The following SELENOO variants were observed in gnomAD, a reference collection of about 807,000 sequenced individuals.
The protein encoded by SELENOO is selenoprotein O.
In SELENOO, 74 loss-of-function variants were observed where a neutral mutation model predicts 58.7. The observed-to-expected ratio is 1.26, with a 90% CI of 1.04 to 1.53. The LOEUF (loss-of-function observed/expected upper bound fraction) is 1.53, where lower values mean the gene tolerates loss of function less well. SELENOO is among the 40% of genes most tolerant of loss of function. The probability of loss-of-function intolerance (pLI) is 0.00; values close to 1 mark genes in which losing one functional copy is unlikely to be tolerated. For synonymous variants in SELENOO, 543 were observed against 453.2 expected, an observed-to-expected ratio of 1.20 and a Z score of -2.52; for missense variants, 1,149 against 970.0, an observed-to-expected ratio of 1.18 and a Z score of -2.45.
At chr22:50,205,891 G>A (rs2064329716) in intron 1 of SELENOO, 1 of 184,000 alleles carries the variant, frequency 5.4e-6, no homozygotes, top group Middle Eastern at 2.3e-3. Flanking sequence ...GTGGGTGTGG[G>A]GGCCCCGGCA....
intron 1 of SELENOO, chr22:50,205,850 A>G (rs971569236): frequency 5.9e-6 from 1 of 170,006 alleles, no homozygotes; most frequent in Admixed American, 5.9e-5. Context: ...CGGGGCGGGC[A>G]GCTGGCTTCT....
At chr22:50,202,332 C>T (rs1274484902) in intron 1 of SELENOO, among the ~76,000 whole-genome samples, 1 of 152,108 alleles carries the variant, frequency 6.6e-6, no homozygotes, top group African/African-American at 2.4e-5. Flanking sequence ...CCTCAGCATC[C>T]CTTCCCCGGG....
chr22:50,202,318 G>A (rs2064308070), intron 1 of SELENOO, among the ~76,000 whole-genome samples: 3 of 151,902 alleles, frequency 2.0e-5, no homozygotes, highest in South Asian at 4.2e-4. Flanking sequence ...AATGCCCCTC[G>A]GTCCCTCAGC....
rs555926409 is a variant in SELENOO at position 50,201,032 on chromosome 22, C to A, written c.-5C>A. 68 of 1,261,398 alleles carry A rather than the reference C, an allele frequency of 5.4e-5. No individual in the cohort carries two copies. The African/African-American group carries it at 9.7e-4, about 18-fold the overall frequency. The allele number at this position is 1,261,398 out of a possible 1,614,324, so 78.1% of individuals were successfully genotyped here. A position where few individuals can be genotyped will look rare whatever the true frequency, so the allele number is the denominator to read the frequency against. ...GGCTGGCTTCCGGCGGGAGCGGGGC[C>A]GCGGATGGCCGTATACAGGGCAGCG... On this transcript the variant is annotated 5_prime_UTR_variant, in exon 1 of 9. Coordinates refer to ENST00000380903, the MANE Select transcript of SELENOO (RefSeq NM_031454.2).
At position 50,201,379 on chromosome 22, in the gene SELENOO, G is replaced by C; in HGVS notation, c.343G>C (p.Glu115Gln). 1 of 1,221,502 alleles carries C rather than the reference G, an allele frequency of 8.2e-7. No homozygotes were observed. The highest frequency in any genetic ancestry group is 1.0e-6 in the Non-Finnish European group (1 of 981,394). The allele number at this position is 1,221,502 out of a possible 1,614,324, so 75.7% of individuals were successfully genotyped here. ...LLGLGAPPAR[E>Q]AEAEAALFFS... is the part of the protein sequence containing the mutation. ...GGGCCTGGGCGCGCCGCCCGCGCGC[G>C]AGGCCGAGGCCGAGGCCGCGCTGTT... The change falls in exon 1 of 9, where the codon GAG becomes CAG. Residue 115 changes from glutamate to glutamine, a missense_variant. By Grantham distance (29) the Glu-to-Gln change is conservative. Coordinates refer to ENST00000380903, the MANE Select transcript of SELENOO (RefSeq NM_031454.2).
intron 2 of SELENOO, among the ~76,000 whole-genome samples, chr22:50,207,409 C>G (rs933887229): frequency 1.3e-5 from 2 of 152,130 alleles, no homozygotes; most frequent in African/African-American, 4.8e-5. Flanking sequence ...TAGGCCTGAG[C>G]CACCGCGCCC....
chr22:50,213,743 G>A (rs1214532168), intron 5 of SELENOO, among the ~76,000 whole-genome samples: 1 of 152,040 alleles, frequency 6.6e-6, no homozygotes, highest in Non-Finnish European at 1.5e-5. Flanking sequence ...CACCTCCCAG[G>A]TTCACGGCAT....
intron 5 of SELENOO, among the ~76,000 whole-genome samples, chr22:50,212,220 G>C (rs905056775): frequency 6.6e-6 from 1 of 152,094 alleles, no homozygotes; most frequent in Non-Finnish European, 1.5e-5. Context: ...CCATTTGTTC[G>C]TAAGAGTATT....
At position 50,213,136 on chromosome 22, in the gene SELENOO, C is replaced by T. The variant is rs139481867; in HGVS notation, c.1351+2225C>T. Among the ~76,000 whole-genome samples the T allele has an allele frequency of 3.3e-5, 5 of 152,326 alleles. No homozygotes were observed. The East Asian group carries it at 9.6e-4, about 29-fold the overall frequency. Reference sequence around the variant, plus strand: ...AGTGCAGTGGCATGATCTTGGCTCACTGCAACCTCCGCCTCCCAGGCTCAA... The same window carrying T: ...AGTGCAGTGGCATGATCTTGGCTCATTGCAACCTCCGCCTCCCAGGCTCAA... On this transcript the variant is annotated intron_variant, in intron 5 of 8. Coordinates refer to ENST00000380903, the MANE Select transcript of SELENOO (RefSeq NM_031454.2).
At position 50,208,734 on chromosome 22, in the gene SELENOO, C is replaced by T. The variant is rs1425164578; in HGVS notation, c.939+18C>T. The T allele has an allele frequency of 1.9e-6, 3 of 1,604,564 alleles. No homozygotes were observed. The Admixed American group carries it at 5.0e-5, about 27-fold the overall frequency. ...TCCGGGAGGTCAGTGGGCCGCACGCCACCCCTCCCTGCGGGTGGATGCTGG... is the reference window on the plus strand; with the variant it reads ...TCCGGGAGGTCAGTGGGCCGCACGCTACCCCTCCCTGCGGGTGGATGCTGG... On this transcript the variant is annotated intron_variant, in intron 3 of 8. Coordinates refer to ENST00000380903, the MANE Select transcript of SELENOO (RefSeq NM_031454.2).
chr22:50,206,684 C>A (rs559503835), intron 2 of SELENOO, among the ~76,000 whole-genome samples, 164 bp downstream of exon 2: 1 of 152,202 alleles, frequency 6.6e-6, no homozygotes, highest in Non-Finnish European at 1.5e-5. Flanking sequence ...TGCCTGTCCG[C>A]GAAGTAGCTG....
rs1602484664 is a variant in SELENOO, at chr22:50,201,013, C to A, written c.-24C>A. 6 of 1,221,376 alleles carry A rather than the reference C, an allele frequency of 4.9e-6. No homozygotes were observed. The East Asian group carries it at 2.1e-4, about 42-fold the overall frequency. The allele number at this position is 1,221,376 out of a possible 1,614,324, so 75.7% of individuals were successfully genotyped here. On this transcript the variant is annotated 5_prime_UTR_variant, in exon 1 of 9. Transcript: ENST00000380903. ...GGGGCTTCCGGGCGGGGCAGGCTGG[C>A]TTCCGGCGGGAGCGGGGCCGCGGAT...
Position 50,201,248 on chromosome 22 carries a change from C to T in SELENOO, c.212C>T (p.Pro71Leu), listed in dbSNP as rs2064297230. ...CCGCCGCCCGGTCCCGAGGGCGCCC[C>T]GTCCGCGCCGCGGCCCGTGCCCGGG... ...EAPPPGPEGAPSAPRPVPGAC... is the reference protein window; with the variant it reads ...EAPPPGPEGALSAPRPVPGAC... Residue 71 changes from proline (P) to leucine (L), a missense_variant, in exon 1 of 9, where the codon CCG becomes CTG. Pro to Leu is a moderately conservative substitution (Grantham distance 98, BLOSUM62 -3). Transcript: ENST00000380903. The T allele has an allele frequency of 3.7e-6, 4 of 1,085,724 alleles. No homozygotes were observed. The highest frequency in any genetic ancestry group is 4.5e-6 in the Non-Finnish European group (4 of 897,710). 67.3% of individuals were successfully genotyped at this position (1,085,724 alleles called of 1,614,324 possible).
intron 5 of SELENOO, among the ~76,000 whole-genome samples, chr22:50,211,562 T>C (rs1602493780): frequency 6.6e-6 from 1 of 152,360 alleles, no homozygotes; most frequent in East Asian, 1.9e-4. Flanking sequence ...TTCAGAATGC[T>C]TTTACCATGA....
Position 50,215,868 on chromosome 22 carries a change from G to A in SELENOO, c.1502+1G>A. The A allele has an allele frequency of 6.2e-7, 1 of 1,603,736 alleles. No individual in the cohort carries two copies. The highest frequency in any genetic ancestry group is 8.5e-7 in the Non-Finnish European group (1 of 1,173,114). On this transcript the variant is annotated splice_donor_variant, in intron 6 of 8. Transcript: ENST00000380903. LOFTEE classifies it high-confidence loss of function. ...CCTTCCGGCCCCAGATGGATCCCCG[G>A]TGGGTACTCAGTTCCTACTTCTTTG...
chr22:50,215,593 G>GAAAAAA, intron 5 of SELENOO, 124 bp from the exon 6 acceptor site: 1 of 737,578 alleles, frequency 1.4e-6, no homozygotes, highest in Non-Finnish European at 2.2e-6. Context: ...GGGCGGTGGT[G>GAAAAAA]GAGCATGTGG....
rs780221595 is a variant in SELENOO at position 50,217,416 on chromosome 22, G to C, written c.*47G>C. 1 of 1,594,166 alleles carries C rather than the reference G, an allele frequency of 6.3e-7. No individual in the cohort carries two copies. The highest frequency in any genetic ancestry group is 1.1e-5 in the South Asian group (1 of 88,954). On this transcript the variant is annotated 3_prime_UTR_variant, in exon 9 of 9. Coordinates refer to ENST00000380903, the MANE Select transcript of SELENOO (RefSeq NM_031454.2). The stretch of plus-strand genomic sequence containing the variant: ...CCCTGGAGTCTCCCGAGGCCCCCAT[G>C]TGCTGCTGAGTGGCCAAGATGATGC...
At position 50,206,364 on chromosome 22, in the gene SELENOO, T is replaced by C. The variant is rs1261391344; in HGVS notation, c.602T>C (p.Leu201Pro). The part of the protein sequence containing the change: ...KVLRSSIREF[L>P]CSEAMFHLGV... ...CTACGGTCAAGCATCCGGGAGTTTC[T>C]ATGCAGCGAAGCCATGTTCCACCTG... The change falls in exon 2 of 9, where the codon CTA (leucine) becomes CCA (proline). Residue 201 changes from leucine to proline, a missense_variant. Physicochemically the swap from Leu to Pro is moderately conservative, Grantham distance 98. Transcript: ENST00000380903. The C allele has an allele frequency of 2.5e-6, 4 of 1,613,984 alleles. No individual in the cohort carries two copies. Among genetic ancestry groups the C allele is most frequent in the African/African-American group, 2.7e-5 (2 of 74,936 alleles).
chr22:50,201,630 C>T, intron 1 of SELENOO, 40 bp downstream of exon 1: 1 of 1,218,816 alleles, frequency 8.2e-7, no homozygotes, highest in African/African-American at 1.6e-5. Context: ...GGGTCCTCCC[C>T]GCCGGGGCGC....
Sources: gnomAD v4.1 joint callset for allele counts (sites outside exome capture counted in the v4.1 genomes callset) on GRCh38, gnomAD v4.1.1 for gene constraint, MANE v1.5 for transcripts, NCBI Gene and HGNC (gene_info 2026-07-23, HGNC 2026-07-21) for gene names.